WASL: variants seen among roughly 807,000 people sequenced by gnomAD.
WASL encodes WASP like actin nucleation promoting factor, also known as actin nucleation-promoting factor WASL.
Under a neutral mutation model 55.5 loss-of-function variants are expected in WASL, and 20 were observed. That is an observed-to-expected ratio of 0.36 (90% CI 0.25 to 0.52). WASL has a LOEUF of 0.52. WASL is among the 20% of genes least tolerant of loss of function. The probability of loss-of-function intolerance (pLI) is 0.92; values close to 1 mark genes in which losing one functional copy is unlikely to be tolerated. For missense variants in WASL, 504 were observed against 622.5 expected, an observed-to-expected ratio of 0.81 and a Z score of 2.03; for synonymous variants, 249 against 217.6, an observed-to-expected ratio of 1.14 and a Z score of -1.27.
chr7:123,734,347 G>A (rs1216870839), intron 1 of WASL, among the ~76,000 whole-genome samples: 1 of 152,052 alleles, frequency 6.6e-6, no homozygotes, highest in Non-Finnish European at 1.5e-5. Context: ...TCTCACCAAA[G>A]AAGATATACA....
intron 1 of WASL, among the ~76,000 whole-genome samples, chr7:123,735,779 G>A (rs948975716): frequency 4.6e-5 from 7 of 152,058 alleles, no homozygotes; most frequent in African/African-American, 1.7e-4. Flanking sequence ...GGAAGACGAG[G>A]AGGACAGGGA....
At chr7:123,687,109 T>C (rs75795200) in intron 10 of WASL, among the ~76,000 whole-genome samples, 6,090 of 152,248 alleles carry the variant, frequency 0.04, 207 homozygotes, top group Non-Finnish European at 0.055. Flanking sequence ...GTCAAAAACC[T>C]TGGAGTCATT....
chr7:123,702,389 G>A lies in WASL; in HGVS notation c.460+2245C>T, dbSNP rs567398506. 9.8e-4 allele frequency among the ~76,000 whole-genome samples: 149 copies of A among 152,218 alleles called. 5 individuals carry two copies. The South Asian group carries it at 0.029, about 29-fold the overall frequency. ...CATTTAATTCTAAGTGGGTCTCTTAGTAGGGGTAATAAAATTATGAAACAC... is the reference window on the plus strand; with the variant it reads ...CATTTAATTCTAAGTGGGTCTCTTAATAGGGGTAATAAAATTATGAAACAC... On this transcript the variant is annotated intron_variant, in intron 5 of 10. Transcript: ENST00000223023.
intron 1 of WASL, among the ~76,000 whole-genome samples, chr7:123,736,238 T>G (rs1804225747): frequency 6.6e-6 from 1 of 152,030 alleles, no homozygotes; most frequent in Non-Finnish European, 1.5e-5. Flanking sequence ...CTGAAAGAAT[T>G]TATAAGTAGA....
intron 1 of WASL, 38 bp downstream of exon 1, chr7:123,748,580 T>C: frequency 1.2e-6 from 2 of 1,604,324 alleles, no homozygotes; most frequent in Non-Finnish European, 1.7e-6. Context: ...GCCCGTGAGG[T>C]AATGTCACGG....
At chr7:123,687,254 T>C (rs1803307714) in intron 10 of WASL, among the ~76,000 whole-genome samples, 1 of 152,178 alleles carries the variant, frequency 6.6e-6, no homozygotes, top group African/African-American at 2.4e-5. Context: ...CATCACCTCT[T>C]GCTTGGATCA....
intron 1 of WASL, among the ~76,000 whole-genome samples, chr7:123,728,465 TC>T (rs1488461241): frequency 1.3e-5 from 2 of 152,180 alleles, no homozygotes; most frequent in Non-Finnish European, 2.9e-5. Context: ...CCAACAACTG[TC>T]CATCTCTAGG....
At chr7:123,728,941 G>A (rs1804097933) in intron 1 of WASL, among the ~76,000 whole-genome samples, 1 of 152,140 alleles carries the variant, frequency 6.6e-6, no homozygotes, top group Non-Finnish European at 1.5e-5. Context: ...TTTGCTGAGA[G>A]TAAGTACATA....
chr7:123,738,649 T>A (rs1289450510), intron 1 of WASL, among the ~76,000 whole-genome samples: 3 of 152,206 alleles, frequency 2.0e-5, no homozygotes, highest in Non-Finnish European at 2.9e-5. Context: ...TTGGTAGTGG[T>A]TGCCTCTAGG....
At chr7:123,736,005 CG>C (rs938711583) in intron 1 of WASL, among the ~76,000 whole-genome samples, 115 of 151,536 alleles carry the variant, frequency 7.6e-4, no homozygotes, top group African/African-American at 2.8e-3. Context: ...AGTAATAAAG[CG>C]AAAAATCAGA....
intron 1 of WASL, 45 bp from the exon 2 acceptor site, chr7:123,709,268 T>C: frequency 1.3e-6 from 2 of 1,555,262 alleles, no homozygotes; most frequent in African/African-American, 1.4e-5. Context: ...AAATAATATG[T>C]AGATGATCAT....
At chr7:123,698,760 T>C (rs1803530277) in intron 5 of WASL, among the ~76,000 whole-genome samples, 1 of 152,194 alleles carries the variant, frequency 6.6e-6, no homozygotes, top group African/African-American at 2.4e-5. Context: ...CAGTATCGAA[T>C]GACCTGAAAG....
At chr7:123,739,880 G>A (rs1415827262) in intron 1 of WASL, among the ~76,000 whole-genome samples, 2 of 64,392 alleles carry the variant, frequency 3.1e-5, no homozygotes, top group Non-Finnish European at 6.5e-5. Flanking sequence ...TTATATATGT[G>A]TGTGTGTGTG....
rs761343327 is a variant in WASL at position 123,706,372 on chromosome 7, G to A, written c.341C>T (p.Thr114Ile). The A allele has an allele frequency of 1.2e-6, 2 of 1,612,658 alleles. No homozygotes were observed. Among genetic ancestry groups the A allele is most frequent in the South Asian group, 2.2e-5 (2 of 90,954 alleles). The change falls in exon 4 of 11, where the codon ACT (threonine) becomes ATT (isoleucine). Residue 114 changes from threonine (T) to isoleucine (I), a missense_variant and splice_region_variant. Transcript: ENST00000223023. ...RGYFHTFAGD[T>I]CQVALNFANE... ...GGCAAAATTAAGAGCAACTTGACAA[G>A]TCTGAAATATTTTCATCACAAAGGG... is the stretch of plus-strand genomic sequence containing the variant.
chr7:123,715,224 A>C lies in WASL; in HGVS notation c.118-6001T>G, dbSNP rs144108180. On this transcript the variant is annotated intron_variant, in intron 1 of 10. Coordinates refer to ENST00000223023, the MANE Select transcript of WASL (RefSeq NM_003941.4). Reference sequence around the variant, plus strand: ...TCTATGTGACTTGTTTTGATGAAGAAGACACTGGTAAATGGAAGGAGAAGC... The same window carrying C: ...TCTATGTGACTTGTTTTGATGAAGACGACACTGGTAAATGGAAGGAGAAGC... Among the ~76,000 whole-genome samples the C allele has an allele frequency of 2.6e-3, 391 of 152,274 alleles. 2 individuals carry two copies. The highest frequency in any genetic ancestry group is 8.3e-3 in the African/African-American group (345 of 41,552).
chr7:123,689,642 C>T (rs1336900349), intron 9 of WASL, among the ~76,000 whole-genome samples: 1 of 151,976 alleles, frequency 6.6e-6, no homozygotes, highest in Non-Finnish European at 1.5e-5. Context: ...ACATTTATAC[C>T]TTCAAAATGA....
chr7:123,728,420 T>C (rs1369562239), intron 1 of WASL, among the ~76,000 whole-genome samples: 4 of 152,122 alleles, frequency 2.6e-5, no homozygotes, highest in Admixed American at 6.5e-5. Flanking sequence ...CCTGCTATAT[T>C]AGGGAGTAAA....
intron 1 of WASL, among the ~76,000 whole-genome samples, chr7:123,736,711 AG>A (rs1804237742): frequency 1.3e-5 from 2 of 152,186 alleles, no homozygotes; most frequent in African/African-American, 4.8e-5. Flanking sequence ...TGTATATATA[AG>A]AAAAGTATAA....
chr7:123,741,611 TACTCAAAA>T lies in WASL; in HGVS notation c.117+6999_117+7006del, dbSNP rs1562967651. ...TCTGCTCTTTTAAAATCTGTTTTTC[TACTCAAAA>T]CTAGAATGGGCTACCATTATACTTC... On this transcript the variant is annotated intron_variant, in intron 1 of 10. Transcript: ENST00000223023. Among the ~76,000 whole-genome samples the T allele has an allele frequency of 2.6e-5, 4 of 152,294 alleles. No homozygotes were observed. In the South Asian group the frequency reaches 8.3e-4, roughly 32 times the overall value.
Sources: gnomAD v4.1 joint callset for allele counts (sites outside exome capture counted in the v4.1 genomes callset) on GRCh38, gnomAD v4.1.1 for gene constraint, MANE v1.5 for transcripts, NCBI Gene and HGNC (gene_info 2026-07-23, HGNC 2026-07-21) for gene names.